Variants in FER1L6 observed in about 807,000 individuals in gnomAD.
The protein encoded by FER1L6 is fer-1 like family member 6.
FER1L6 carries 177 observed loss-of-function variants against 219.2 expected under a neutral mutation model. The observed-to-expected ratio is 0.81, with a 90% confidence interval of 0.71 to 0.91. FER1L6 has a LOEUF of 0.91. Ranked by LOEUF, FER1L6 falls within the 40% of genes least tolerant of loss-of-function variation. The probability of loss-of-function intolerance (pLI) is 0.00; values close to 1 mark genes in which losing one functional copy is unlikely to be tolerated. For synonymous variants in FER1L6, 768 were observed against 824.3 expected (o/e 0.93, Z 1.17); for missense variants, 2,153 against 2,259.9 (o/e 0.95, Z 0.96).
chr8:124,107,152 G>A (rs936044544), intron 39 of FER1L6, among the ~76,000 whole-genome samples: 1 of 151,902 alleles, frequency 6.6e-6, no homozygotes, highest in South Asian at 2.1e-4. Context: ...GTTTCACCAT[G>A]TTAGCCAGGA....
At position 124,074,240 on chromosome 8, in the gene FER1L6, A is replaced by AGGGTC. The variant is rs1586671323; in HGVS notation, c.4093-1958_4093-1957insGGGTC. Among the ~76,000 whole-genome samples the AGGGTC allele has an allele frequency of 2.0e-5, 3 of 152,326 alleles. No individual in the cohort carries two copies. In the East Asian group the frequency reaches 5.8e-4, roughly 29 times the overall value. On this transcript the variant is annotated intron_variant, in intron 31 of 40. Transcript: ENST00000522917. ...CATTCAACTGGTCAGTGCTAAATGC[A>AGGGTC]AGAGTCATAGGGTCATGGATTCAGA...
chr8:124,101,280 T>C lies in FER1L6; in HGVS notation c.5067T>C (p.Pro1689=), dbSNP rs755730895. ...TAGAGAAGATGGAGTGTAAGACTCCTGCTGTGTTGGTGCTGCAGGTTTGGG... is the reference window on the plus strand; with the variant it reads ...TAGAGAAGATGGAGTGTAAGACTCCCGCTGTGTTGGTGCTGCAGGTTTGGG... ...FSLEKMECKT[P]AVLVLQVWDF... is the part of the protein sequence containing the mutation. Residue 1689 remains proline (P), a synonymous_variant, in exon 38 of 41, where the codon CCT becomes CCC. Coordinates refer to ENST00000522917, the MANE Select transcript of FER1L6 (RefSeq NM_001039112.2). 2 of 1,613,514 alleles carry C rather than the reference T, an allele frequency of 1.2e-6. No homozygotes were observed. The highest frequency in any genetic ancestry group is 1.7e-5 in the Admixed American group (1 of 59,998).
At chr8:123,941,983 C>A (rs999268798) in intron 1 of FER1L6, among the ~76,000 whole-genome samples, 2 of 152,116 alleles carry the variant, frequency 1.3e-5, no homozygotes, top group Admixed American at 6.5e-5. Flanking sequence ...ATCTTTGATT[C>A]CGAGTGGAAT....
chr8:124,060,440 C>T, intron 23 of FER1L6, 108 bp from the exon 24 acceptor site: 2 of 1,487,680 alleles, frequency 1.3e-6, no homozygotes, highest in South Asian at 2.4e-5. Flanking sequence ...CCTGGAGGAA[C>T]ACAGCGTGGT....
intron 1 of FER1L6, among the ~76,000 whole-genome samples, chr8:123,946,465 G>A (rs551502884): frequency 2.8e-4 from 43 of 152,242 alleles, no homozygotes; most frequent in Admixed American, 1.8e-3. Flanking sequence ...TGTTGGCCAG[G>A]CTGGTCTCAA....
At chr8:123,870,281 G>A (rs1452434007) in intron 1 of FER1L6, among the ~76,000 whole-genome samples, 2 of 152,186 alleles carry the variant, frequency 1.3e-5, no homozygotes, top group Non-Finnish European at 2.9e-5. Context: ...ACATATTTCA[G>A]CAATCATGCT....
At chr8:124,069,735 T>C (rs1002051352) in intron 29 of FER1L6, among the ~76,000 whole-genome samples, 1 of 152,236 alleles carries the variant, frequency 6.6e-6, no homozygotes, top group Non-Finnish European at 1.5e-5. Context: ...TCTACAGCAT[T>C]TGAGCTCCCC....
At chr8:124,104,008 T>C (rs1264317277) in intron 39 of FER1L6, among the ~76,000 whole-genome samples, 2 of 152,254 alleles carry the variant, frequency 1.3e-5, no homozygotes, top group African/African-American at 2.4e-5. Flanking sequence ...CAGGTCTGGA[T>C]AGAGACCCAT....
chr8:124,062,302 G>A (rs181250489), intron 25 of FER1L6, among the ~76,000 whole-genome samples: 42 of 152,268 alleles, frequency 2.8e-4, no homozygotes, highest in African/African-American at 9.4e-4. Flanking sequence ...TTGGCTCTGT[G>A]CTTGATGTTG....
intron 20 of FER1L6, among the ~76,000 whole-genome samples, chr8:124,045,222 T>C (rs955810675): frequency 1.3e-5 from 2 of 152,208 alleles, no homozygotes; most frequent in African/African-American, 4.8e-5. Flanking sequence ...GGGATAATAT[T>C]AGCATCTACA....
chr8:123,981,305 A>G lies in FER1L6; in HGVS notation c.1410+494A>G, dbSNP rs111870401. On this transcript the variant is annotated intron_variant, in intron 11 of 40. Transcript: ENST00000522917. ...ATCACAACTCTAGGGTATGCTTATTACTCACCATGAAGCATGTTAGCACTT... is the reference window on the plus strand; with the variant it reads ...ATCACAACTCTAGGGTATGCTTATTGCTCACCATGAAGCATGTTAGCACTT... 9.9e-5 allele frequency among the ~76,000 whole-genome samples: 15 copies of G among 152,182 alleles called. 1 individual carries two copies. Among genetic ancestry groups the G allele is most frequent in the African/African-American group, 3.6e-4 (15 of 41,524 alleles).
intron 37 of FER1L6, 68 bp downstream of exon 37, chr8:124,097,951 TCTATGCCTCATGGAGGATA>T: frequency 1.2e-6 from 1 of 855,250 alleles, no homozygotes; most frequent in South Asian, 1.4e-5. Flanking sequence ...CCTAACTAAA[TCTATGCCTCATGGAGGATA>T]CTAAACCCAC....
At chr8:124,091,376 G>A (rs1397088654) in intron 33 of FER1L6, 47 bp from the exon 34 acceptor site, 1 of 1,529,108 alleles carries the variant, frequency 6.5e-7, no homozygotes, top group Admixed American at 1.7e-5. Flanking sequence ...ATACTGGGTG[G>A]TTCTTTAAGT....
At chr8:123,889,218 A>G (rs1817258676) in intron 1 of FER1L6, among the ~76,000 whole-genome samples, 1 of 152,254 alleles carries the variant, frequency 6.6e-6, no homozygotes, top group South Asian at 2.1e-4. Flanking sequence ...GAGAATCCCC[A>G]TGTAGTTAAC....
intron 5 of FER1L6, among the ~76,000 whole-genome samples, chr8:123,968,049 C>A (rs1815637944): frequency 6.6e-6 from 1 of 152,000 alleles, no homozygotes; most frequent in Non-Finnish European, 1.5e-5. Context: ...AGAAAATACC[C>A]AAATCCCATT....
At chr8:124,049,089 C>T (rs1226624582) in intron 21 of FER1L6, among the ~76,000 whole-genome samples, 1 of 151,824 alleles carries the variant, frequency 6.6e-6, no homozygotes, top group Non-Finnish European at 1.5e-5. Flanking sequence ...CTCTCTGTCA[C>T]CAGGCTGGAG....
At chr8:123,899,045 G>C (rs1812813616) in intron 1 of FER1L6, among the ~76,000 whole-genome samples, 1 of 151,806 alleles carries the variant, frequency 6.6e-6, no homozygotes, top group South Asian at 2.1e-4. Flanking sequence ...TGGATCAAAT[G>C]GTAGTTCTAC....
intron 10 of FER1L6, among the ~76,000 whole-genome samples, chr8:123,978,810 G>A (rs1816203620): frequency 6.6e-6 from 1 of 152,116 alleles, no homozygotes; most frequent in Non-Finnish European, 1.5e-5. Flanking sequence ...ATACCATAGA[G>A]AGGCCTCAGT....
intron 1 of FER1L6, among the ~76,000 whole-genome samples, chr8:123,923,808 G>A (rs1196834034): frequency 2.6e-5 from 4 of 151,342 alleles, no homozygotes; most frequent in South Asian, 4.2e-4. Flanking sequence ...ATGGTGGCAC[G>A]TGGCTTTAAT....
Sources: gnomAD v4.1 joint callset for allele counts (sites outside exome capture counted in the v4.1 genomes callset) on GRCh38, gnomAD v4.1.1 for gene constraint, MANE v1.5 for transcripts, NCBI Gene and HGNC (gene_info 2026-07-23, HGNC 2026-07-21) for gene names.